Variants in PTPRQ observed in about 807,000 individuals in gnomAD.
PTPRQ encodes the protein phosphatidylinositol phosphatase PTPRQ.
A neutral mutation model predicts 246.0 loss-of-function variants in PTPRQ; 199 were observed. The ratio of observed to expected loss-of-function variants is 0.81; its 90% CI spans 0.72 to 0.91. The LOEUF (loss-of-function observed/expected upper bound fraction) is 0.91. PTPRQ is among the 40% of genes least tolerant of loss of function. The probability of loss-of-function intolerance (pLI) is 0.00; values close to 1 mark genes in which losing one functional copy is unlikely to be tolerated. For missense variants in PTPRQ, 2,624 were observed against 2,528.4 expected (o/e 1.04, Z -0.81); for synonymous variants, 869 against 853.2 (o/e 1.02, Z -0.32).
chr12:80,592,532 A>C (rs1331868033), intron 26 of PTPRQ, among the ~76,000 whole-genome samples: 1 of 152,170 alleles, frequency 6.6e-6, no homozygotes, highest in Non-Finnish European at 1.5e-5. Context: ...TAAGAATAAA[A>C]GAAATTATAA....
intron 7 of PTPRQ, among the ~76,000 whole-genome samples, chr12:80,470,917 A>G (rs1311531250): frequency 6.6e-6 from 1 of 152,218 alleles, no homozygotes; most frequent in Non-Finnish European, 1.5e-5. Flanking sequence ...TGTCCAAGTT[A>G]TGATCTTGAG....
In PTPRQ at chr12:80,472,165, T is replaced by G; in HGVS notation, c.1100T>G (p.Phe367Cys). The G allele has an allele frequency of 6.4e-7, 1 of 1,551,624 alleles. No homozygotes were observed. Among genetic ancestry groups the G allele is most frequent in the Non-Finnish European group, 8.7e-7 (1 of 1,146,962 alleles). ...LKFAFTNLTP[F>C]TMYDVYIAAE... ...TTTGCATTCACTAACCTAACACCAT[T>G]TACAATGTATGATGTCTATATTGCG... The change falls in exon 8 of 45, where the codon TTT (phenylalanine) becomes TGT (cysteine). Residue 367 changes from phenylalanine to cysteine, a missense_variant. Coordinates refer to ENST00000644991, the MANE Select transcript of PTPRQ (RefSeq NM_001145026.2).
At chr12:80,478,066 C>T (rs1239115194) in intron 8 of PTPRQ, among the ~76,000 whole-genome samples, 4 of 152,192 alleles carry the variant, frequency 2.6e-5, no homozygotes, top group Non-Finnish European at 4.4e-5. Flanking sequence ...TAGGCTCCAC[C>T]TCTGGGGGCA....
At chr12:80,647,888 T>TG (rs143515528) in intron 35 of PTPRQ, among the ~76,000 whole-genome samples, 13,666 of 152,026 alleles carry the variant, frequency 0.09, 835 homozygotes, top group Middle Eastern at 0.18. Flanking sequence ...TCTTTCTGCT[T>TG]GGGGGGCACC....
chr12:80,622,033 T>C (rs1378184689), intron 32 of PTPRQ, 28 bp from the exon 33 acceptor site: 1 of 1,272,906 alleles, frequency 7.9e-7, no homozygotes, highest in Non-Finnish European at 1.0e-6. Flanking sequence ...ATATGCAAAG[T>C]GTTGATTTTT....
At chr12:80,554,194 A>C (rs927419369) in intron 25 of PTPRQ, among the ~76,000 whole-genome samples, 1 of 152,200 alleles carries the variant, frequency 6.6e-6, no homozygotes, top group Non-Finnish European at 1.5e-5. Flanking sequence ...TTACATTTAA[A>C]AGTAGCTAAA....
chr12:80,526,792 A>G (rs1174763691), intron 17 of PTPRQ, among the ~76,000 whole-genome samples: 1 of 152,152 alleles, frequency 6.6e-6, no homozygotes, highest in East Asian at 1.9e-4. Flanking sequence ...TTCTCTAAGA[A>G]ATGAAAATTA....
chr12:80,620,628 C>T (rs1898945465), intron 32 of PTPRQ, among the ~76,000 whole-genome samples: 1 of 151,774 alleles, frequency 6.6e-6, no homozygotes, highest in Non-Finnish European at 1.5e-5. Context: ...ACATAAAGAC[C>T]ATATGAAAAA....
At chr12:80,461,051 G>A (rs550278674) in intron 6 of PTPRQ, 149 bp downstream of exon 6, 22 of 385,276 alleles carry the variant, frequency 5.7e-5, no homozygotes, top group Admixed American at 3.1e-4. Flanking sequence ...GGGTTTCTTC[G>A]AATTTCTATA....
chr12:80,642,393 C>A (rs1453934876), intron 35 of PTPRQ, among the ~76,000 whole-genome samples: 2 of 152,156 alleles, frequency 1.3e-5, no homozygotes, highest in South Asian at 2.1e-4. Context: ...TACCCTGTTG[C>A]CCCGGATGTA....
intron 27 of PTPRQ, 65 bp downstream of exon 27, chr12:80,605,245 C>A: frequency 6.7e-7 from 1 of 1,501,958 alleles, no homozygotes; most frequent in South Asian, 1.3e-5. Context: ...GATTTGGAAC[C>A]AGACTATTTG....
chr12:80,567,143 T>A (rs1193662610), intron 25 of PTPRQ, among the ~76,000 whole-genome samples: 1 of 152,224 alleles, frequency 6.6e-6, no homozygotes, highest in Non-Finnish European at 1.5e-5. Flanking sequence ...CTTGGGCTAA[T>A]CATTGCTAAG....
intron 35 of PTPRQ, among the ~76,000 whole-genome samples, chr12:80,641,827 C>T (rs1271788150): frequency 2.0e-5 from 3 of 151,812 alleles, no homozygotes; most frequent in African/African-American, 7.3e-5. Flanking sequence ...GAATCCTTTT[C>T]CTATTCTTTT....
At position 80,622,113 on chromosome 12, in the gene PTPRQ, T is replaced by G; in HGVS notation, c.5665T>G (p.Ser1889Ala). 6.9e-7 allele frequency: 1 copy of G among 1,448,292 alleles called. No individual in the cohort carries two copies. Among genetic ancestry groups the G allele is most frequent in the Non-Finnish European group, 9.1e-7 (1 of 1,096,074 alleles). The allele number at this position is 1,448,292 out of a possible 1,614,324, so 89.7% of individuals were successfully genotyped here. A position where few individuals can be genotyped will look rare whatever the true frequency, so the allele number is the denominator to read the frequency against. Residue 1889 changes from serine (S) to alanine (A), a missense_variant, in exon 33 of 45, where the codon TCT (serine) becomes GCT (alanine). Coordinates refer to ENST00000644991, the MANE Select transcript of PTPRQ (RefSeq NM_001145026.2). ...GGGACAATTTACTGACTCTGATTAT[T>G]CTGACCCTGTTAAGACTTTAGGTAA... ...IMGQFTDSDY[S>A]DPVKTLGEGL...
At chr12:80,606,871 TA>T (rs927673797) in intron 27 of PTPRQ, among the ~76,000 whole-genome samples, 9 of 151,042 alleles carry the variant, frequency 6.0e-5, no homozygotes, top group African/African-American at 2.2e-4. Context: ...GAATATGCAT[TA>T]AAAACAAATT....
chr12:80,627,763 C>T (rs1216940149), intron 33 of PTPRQ, among the ~76,000 whole-genome samples: 1 of 151,924 alleles, frequency 6.6e-6, no homozygotes, highest in Non-Finnish European at 1.5e-5. Flanking sequence ...CAAAAAGAAA[C>T]ATGTTTATAT....
rs1279596462 is a variant in PTPRQ, at chr12:80,620,244, C to T, written c.5480C>T (p.Pro1827Leu). The T allele has an allele frequency of 3.2e-6, 5 of 1,549,394 alleles. No homozygotes were observed. In the South Asian group the frequency reaches 6.0e-5, roughly 18 times the overall value. ...YFTNEGFPNP[P>L]CTEGKTKFSG... ...ACAAATGAAGGCTTTCCTAACCCTC[C>T]ATGTACAGAAGGAAAGACAAAGTTT... The change falls in exon 32 of 45, where the codon CCA becomes CTA. Residue 1827 changes from proline (P) to leucine (L), a missense_variant. Coordinates refer to ENST00000644991, the MANE Select transcript of PTPRQ (RefSeq NM_001145026.2).
chr12:80,484,459 C>G lies in PTPRQ; in HGVS notation c.1213C>G (p.Leu405Val). ...DVPGAVFDLQLAEVESTQVRI... is the reference protein window; with the variant it reads ...DVPGAVFDLQVAEVESTQVRI... Reference sequence around the variant, plus strand: ...TCCAGGGGCAGTGTTTGATTTACAACTTGCAGAGGTAGAATCCACGCAAGT... The same window carrying G: ...TCCAGGGGCAGTGTTTGATTTACAAGTTGCAGAGGTAGAATCCACGCAAGT... The change falls in exon 9 of 45, where the codon CTT becomes GTT. Residue 405 changes from leucine to valine, a missense_variant. By Grantham distance (32) the Leu-to-Val change is conservative. Coordinates refer to ENST00000644991, the MANE Select transcript of PTPRQ (RefSeq NM_001145026.2). 1 of 1,550,016 alleles carries G rather than the reference C, an allele frequency of 6.5e-7. No individual in the cohort carries two copies. The highest frequency in any genetic ancestry group is 1.2e-5 in the South Asian group (1 of 83,706).
chr12:80,513,020 G>C (rs150077253), intron 17 of PTPRQ, among the ~76,000 whole-genome samples: 1 of 152,238 alleles, frequency 6.6e-6, no homozygotes, highest in East Asian at 1.9e-4. Flanking sequence ...CCCATGGCAG[G>C]GTCTAGGGGT....
Sources: allele counts gnomAD v4.1 joint callset (sites outside exome capture counted in the v4.1 genomes callset), GRCh38; gene constraint gnomAD v4.1.1; transcripts MANE v1.5; gene names NCBI Gene and HGNC (gene_info 2026-07-23, HGNC 2026-07-21).